The following ANK2 variants were observed in gnomAD, a reference collection of about 807,000 sequenced individuals.
ANK2 encodes ankyrin-2.
ANK2 carries 83 observed loss-of-function variants against 360.5 expected under a neutral mutation model. That is an observed-to-expected ratio of 0.23 (90% CI 0.19 to 0.28). ANK2 has a LOEUF of 0.28. Ranked by LOEUF, ANK2 falls within the 10% of genes least tolerant of loss-of-function variation. ANK2 has a pLI of 1.00. For missense variants in ANK2, 4,201 were observed against 4,795.7 expected (o/e 0.88, Z 3.66); for synonymous variants, 1,740 against 1,759.5 (o/e 0.99, Z 0.28).
At chr4:112,810,149 ATATATATATATTTTTTTTTTT>A in the ANK2 span, among the ~76,000 whole-genome samples, 2 of 30,346 alleles carry the variant, frequency 6.6e-5, no homozygotes, top group Non-Finnish European at 1.2e-4. Flanking sequence ...ATATATATAT[ATATATATATATTTTTTTTTTT>A]TTTTTTTTTT....
chr4:113,038,203 A>G (rs1418044788), intron 2 of ANK2, among the ~76,000 whole-genome samples: 2 of 152,058 alleles, frequency 1.3e-5, no homozygotes, highest in Non-Finnish European at 2.9e-5. Context: ...AGTTCAAAAA[A>G]AGCTGCACTG....
At chr4:113,077,153 C>T (rs751576004) in intron 1 of ANK2, among the ~76,000 whole-genome samples, 3 of 151,988 alleles carry the variant, frequency 2.0e-5, no homozygotes, top group South Asian at 2.1e-4. Context: ...CATATTTTGG[C>T]ATACCCATAG....
In ANK2 at chr4:113,369,768, C is replaced by T. The variant is rs151338825; in HGVS notation, c.11573C>T (p.Thr3858Ile). The T allele has an allele frequency of 1.4e-5, 22 of 1,613,938 alleles. No homozygotes were observed. Among genetic ancestry groups the T allele is most frequent in the Non-Finnish European group, 1.8e-5 (21 of 1,180,004 alleles). ...IVESADNQPE[T>I]CERLDEDAAF... ...GAGTCTGCCGATAACCAGCCTGAGA[C>T]CTGTGAAAGACTCGATGAAGATGCA... Residue 3858 changes from threonine to isoleucine, a missense_variant, in exon 43 of 46, where the codon ACC becomes ATC. This residue lies in a region of ANK2 where 2,642 missense variants were observed against 2,714.5 expected (regional missense o/e 0.97). Coordinates refer to ENST00000357077, the MANE Select transcript of ANK2 (RefSeq NM_001148.6).
intron 1 of ANK2, among the ~76,000 whole-genome samples, chr4:113,075,497 A>G (rs915480311): frequency 1.3e-5 from 2 of 152,156 alleles, no homozygotes; most frequent in African/African-American, 2.4e-5. Context: ...AAAATGCATT[A>G]TGATCTCCTG....
intron 2 of ANK2, among the ~76,000 whole-genome samples, chr4:112,987,369 C>T (rs532193547): frequency 2.0e-5 from 3 of 152,166 alleles, no homozygotes; most frequent in Non-Finnish European, 2.9e-5. Flanking sequence ...CTGGGAGACA[C>T]GGGCAGGAGA....
chr4:112,789,501 A>AT, the ANK2 span, among the ~76,000 whole-genome samples: 2 of 152,144 alleles, frequency 1.3e-5, no homozygotes, highest in Admixed American at 6.5e-5. Flanking sequence ...GAAAAAAAGA[A>AT]TTTTTTAACA....
chr4:113,117,159 G>C (rs774976599), intron 1 of ANK2: 2 of 386,496 alleles, frequency 5.2e-6, no homozygotes, highest in Non-Finnish European at 1.0e-5. Flanking sequence ...GGATTATCTT[G>C]TGAGTGTTCT....
chr4:113,071,188 C>T (rs1037697392), intron 1 of ANK2, among the ~76,000 whole-genome samples: 1 of 152,100 alleles, frequency 6.6e-6, no homozygotes, highest in Non-Finnish European at 1.5e-5. Flanking sequence ...AAAACAAAAC[C>T]TACATGCAAT....
intron 1 of ANK2, among the ~76,000 whole-genome samples, chr4:113,150,896 T>C (rs2097049164): frequency 6.6e-6 from 1 of 152,240 alleles, no homozygotes; most frequent in African/African-American, 2.4e-5. Flanking sequence ...TGAAAGGCCA[T>C]TGACCAAAGG....
chr4:113,053,124 G>T (rs192735326), intron 1 of ANK2, among the ~76,000 whole-genome samples: 4 of 152,276 alleles, frequency 2.6e-5, no homozygotes, highest in Admixed American at 1.3e-4. Flanking sequence ...GAGTGGCCTT[G>T]TCTGATGCTG....
chr4:113,245,306 T>C (rs2042259870), intron 9 of ANK2, among the ~76,000 whole-genome samples: 1 of 152,180 alleles, frequency 6.6e-6, no homozygotes, highest in Non-Finnish European at 1.5e-5. Context: ...TAAATGAATA[T>C]GTTTTGCTTT....
At chr4:112,826,671 G>A (rs1394343724) in intron 1 of ANK2, 2 of 938,036 alleles carry the variant, frequency 2.1e-6, no homozygotes, top group South Asian at 3.2e-5. Context: ...ACATTCCTCA[G>A]CATTGACCAT....
At chr4:112,919,058 C>G (rs1182567550) in intron 2 of ANK2, among the ~76,000 whole-genome samples, 1 of 151,824 alleles carries the variant, frequency 6.6e-6, no homozygotes, top group African/African-American at 2.4e-5. Context: ...ATGGAAATAC[C>G]CTTTTAGGCC....
At chr4:112,739,661 AT>A in the ANK2 span, among the ~76,000 whole-genome samples, 2 of 151,988 alleles carry the variant, frequency 1.3e-5, no homozygotes, top group African/African-American at 2.4e-5. Context: ...TGAATTACCC[AT>A]TTCCTGATGT....
At chr4:113,150,627 G>A (rs2097031561) in intron 1 of ANK2, among the ~76,000 whole-genome samples, 1 of 152,182 alleles carries the variant, frequency 6.6e-6, no homozygotes, top group South Asian at 2.1e-4. Flanking sequence ...GTGTTCCCAT[G>A]TCCTGAGAAA....
At chr4:113,186,092 A>G (rs908845706) in intron 2 of ANK2, among the ~76,000 whole-genome samples, 3 of 152,172 alleles carry the variant, frequency 2.0e-5, no homozygotes, top group Admixed American at 6.5e-5. Context: ...CCTGACTCCC[A>G]TGCCTCTTGA....
At chr4:113,100,657 G>A (rs1277976601) in intron 1 of ANK2, among the ~76,000 whole-genome samples, 3 of 152,034 alleles carry the variant, frequency 2.0e-5, no homozygotes, top group African/African-American at 7.2e-5. Context: ...AAACTTAGGT[G>A]CACACAGAAA....
chr4:113,360,982 C>A, intron 39 of ANK2, 85 bp downstream of exon 39: 1 of 1,216,056 alleles, frequency 8.2e-7, no homozygotes, highest in Non-Finnish European at 1.2e-6. Context: ...AAGGTACCCC[C>A]CACTTTCTTG....
chr4:113,158,100 T>A (rs1408681443), intron 1 of ANK2, among the ~76,000 whole-genome samples: 1 of 152,192 alleles, frequency 6.6e-6, no homozygotes, highest in Non-Finnish European at 1.5e-5. Context: ...AGTAGACAGA[T>A]GACTTAAAAG....
Sources: allele counts gnomAD v4.1 joint callset (sites outside exome capture counted in the v4.1 genomes callset), GRCh38; gene constraint gnomAD v4.1.1; regional missense constraint gnomAD v4.1.1; transcripts MANE v1.5; gene names NCBI Gene and HGNC (gene_info 2026-07-23, HGNC 2026-07-21).